SPIRE1: variants seen among roughly 807,000 people sequenced by gnomAD.
The protein encoded by SPIRE1 is spire type actin nucleation factor 1, also known as protein spire homolog 1.
SPIRE1 carries 40 observed loss-of-function variants against 94.1 expected under a neutral mutation model. The ratio of observed to expected loss-of-function variants is 0.43; its 90% confidence interval spans 0.33 to 0.55. The LOEUF is 0.55. Ranked by LOEUF, SPIRE1 falls within the 20% of genes least tolerant of loss-of-function variation. The probability of loss-of-function intolerance (pLI) is 0.06; values close to 1 mark genes in which losing one functional copy is unlikely to be tolerated. For missense variants in SPIRE1, 838 were observed against 975.2 expected (o/e 0.86, Z 1.87); for synonymous variants, 376 against 371.7 (o/e 1.01, Z -0.13).
intron 6 of SPIRE1, among the ~76,000 whole-genome samples, chr18:12,501,407 CAG>C (rs534495888): frequency 1.1e-3 from 174 of 152,092 alleles, no homozygotes; most frequent in Non-Finnish European, 2.1e-3. Flanking sequence ...GTTTTTGAGA[CAG>C]AGTCTCGCTC....
chr18:12,525,262 G>A (rs1426476309), intron 4 of SPIRE1, among the ~76,000 whole-genome samples: 1 of 113,088 alleles, frequency 8.8e-6, no homozygotes, highest in African/African-American at 3.6e-5. Context: ...GGGCGACAGA[G>A]TGAGACTCCG....
At chr18:12,598,581 T>A (rs1049623791) in intron 2 of SPIRE1, among the ~76,000 whole-genome samples, 2 of 152,176 alleles carry the variant, frequency 1.3e-5, no homozygotes, top group East Asian at 3.8e-4. Flanking sequence ...GAGACTTTTC[T>A]AACAGGTCCT....
chr18:12,646,013 T>C (rs2038214070), intron 1 of SPIRE1, among the ~76,000 whole-genome samples: 1 of 152,220 alleles, frequency 6.6e-6, no homozygotes, highest in African/African-American at 2.4e-5. Context: ...TTGAGAACTC[T>C]TGGGGCTGCT....
chr18:12,552,864 C>T (rs553419783), intron 2 of SPIRE1, among the ~76,000 whole-genome samples: 5 of 152,214 alleles, frequency 3.3e-5, no homozygotes, highest in Admixed American at 2.0e-4. Flanking sequence ...TTCTTTAACT[C>T]GGTGTCTGAG....
chr18:12,518,989 T>A (rs1186782835), intron 4 of SPIRE1, among the ~76,000 whole-genome samples: 1 of 152,204 alleles, frequency 6.6e-6, no homozygotes, highest in Admixed American at 6.5e-5. Flanking sequence ...AAGTCTCCCA[T>A]GCAGAGTTAA....
intron 2 of SPIRE1, among the ~76,000 whole-genome samples, chr18:12,612,661 T>C (rs921916848): frequency 6.6e-6 from 1 of 152,196 alleles, no homozygotes; most frequent in Non-Finnish European, 1.5e-5. Flanking sequence ...ATATTAAAGT[T>C]TGAGAAGCAC....
chr18:12,579,227 ACACAC>A (rs2036195725), intron 2 of SPIRE1, among the ~76,000 whole-genome samples: 1 of 150,552 alleles, frequency 6.6e-6, no homozygotes, highest in Non-Finnish European at 1.5e-5. Flanking sequence ...ACACACACAC[ACACAC>A]AAAATACTGA....
chr18:12,589,747 G>T (rs1018826531), intron 2 of SPIRE1, among the ~76,000 whole-genome samples: 1 of 152,142 alleles, frequency 6.6e-6, no homozygotes, highest in African/African-American at 2.4e-5. Context: ...CTCATTCAAT[G>T]ACAGCCACTG....
chr18:12,651,244 T>A (rs1237673646), intron 1 of SPIRE1, among the ~76,000 whole-genome samples: 1 of 152,192 alleles, frequency 6.6e-6, no homozygotes, highest in Non-Finnish European at 1.5e-5. Flanking sequence ...GATAAGGCAT[T>A]TCACCAATCT....
At position 12,449,010 on chromosome 18, in the gene SPIRE1, A is replaced by G. The variant is rs2031085731; in HGVS notation, c.*628T>C. ...TGGGACAACACGGCCACTCAGGGGAAATAGTCACCCTTGTGGGTGTACAGC... is the reference window on the plus strand; with the variant it reads ...TGGGACAACACGGCCACTCAGGGGAGATAGTCACCCTTGTGGGTGTACAGC... On this transcript the variant is annotated 3_prime_UTR_variant, in exon 17 of 17. Transcript: ENST00000409402. 1 of 152,830 alleles carries G rather than the reference A, an allele frequency of 6.5e-6. No homozygotes were observed. Among genetic ancestry groups the G allele is most frequent in the South Asian group, 2.1e-4 (1 of 4,828 alleles). 9.5% of individuals were successfully genotyped at this position (152,830 alleles called of 1,614,324 possible). A position where few individuals can be genotyped will look rare whatever the true frequency, so the allele number is the denominator to read the frequency against.
chr18:12,639,456 A>G (rs12965733), intron 1 of SPIRE1, among the ~76,000 whole-genome samples: 69,278 of 151,976 alleles, frequency 0.46, 16,363 homozygotes, highest in Middle Eastern at 0.54. Flanking sequence ...GAATGCGGCC[A>G]GGCGCAGTGG....
chr18:12,603,470 G>T (rs1328767620), intron 2 of SPIRE1, among the ~76,000 whole-genome samples: 1 of 152,130 alleles, frequency 6.6e-6, no homozygotes, highest in Non-Finnish European at 1.5e-5. Context: ...TCAGGATGGG[G>T]CTGGTCACTA....
intron 10 of SPIRE1, among the ~76,000 whole-genome samples, chr18:12,467,064 G>A (rs562795665): frequency 6.6e-6 from 1 of 152,314 alleles, no homozygotes; most frequent in African/African-American, 2.4e-5. Flanking sequence ...CAGATAACTT[G>A]AGGTCAGGAG....
intron 1 of SPIRE1, among the ~76,000 whole-genome samples, chr18:12,653,719 T>C (rs186161308): frequency 2.0e-4 from 30 of 151,882 alleles, no homozygotes; most frequent in Middle Eastern, 3.4e-3. Flanking sequence ...AGGCCAAGGC[T>C]GGTGGATCAC....
chr18:12,567,759 C>G (rs1262298054), intron 2 of SPIRE1, among the ~76,000 whole-genome samples: 2 of 152,162 alleles, frequency 1.3e-5, no homozygotes, highest in African/African-American at 4.8e-5. Context: ...CTGGAAATGG[C>G]TCAAGTATGG....
chr18:12,650,524 T>C (rs1402947612), intron 1 of SPIRE1, among the ~76,000 whole-genome samples: 1 of 151,618 alleles, frequency 6.6e-6, no homozygotes, highest in Non-Finnish European at 1.5e-5. Flanking sequence ...TCCTGGCTAA[T>C]ATGGTGAAAC....
At chr18:12,564,147 G>A (rs1212496953) in intron 2 of SPIRE1, among the ~76,000 whole-genome samples, 1 of 152,084 alleles carries the variant, frequency 6.6e-6, no homozygotes, top group Non-Finnish European at 1.5e-5. Flanking sequence ...AAACATCCAG[G>A]AAAATTAAAG....
intron 2 of SPIRE1, among the ~76,000 whole-genome samples, chr18:12,567,433 A>G (rs2035847366): frequency 6.6e-6 from 1 of 152,178 alleles, no homozygotes; most frequent in Non-Finnish European, 1.5e-5. Flanking sequence ...ATTTCAGCAA[A>G]TTATTTTGCA....
Position 12,635,102 on chromosome 18 carries a change from AT to A in SPIRE1, c.338-7del, listed in dbSNP as rs2037887844. 1 of 1,367,084 alleles carries A rather than the reference AT, an allele frequency of 7.3e-7. No homozygotes were observed. Among genetic ancestry groups the A allele is most frequent in the Admixed American group, 2.2e-5 (1 of 45,124 alleles). 84.7% of individuals were successfully genotyped at this position (1,367,084 alleles called of 1,614,324 possible). A position where few individuals can be genotyped will look rare whatever the true frequency, so the allele number is the denominator to read the frequency against. The stretch of plus-strand genomic sequence containing the variant: ...TTGTGAATATCCCAATTTACCTGTA[AT>A]AAAAATGAAAAGGATTACTTTAAAA... On this transcript the variant is annotated splice_region_variant and splice_polypyrimidine_tract_variant and intron_variant, in intron 1 of 16. Coordinates refer to ENST00000409402, the MANE Select transcript of SPIRE1 (RefSeq NM_001128626.2).
Sources: gnomAD v4.1 joint callset for allele counts (sites outside exome capture counted in the v4.1 genomes callset) on GRCh38, gnomAD v4.1.1 for gene constraint, MANE v1.5 for transcripts, NCBI Gene and HGNC (gene_info 2026-07-23, HGNC 2026-07-21) for gene names.